NECAB1: variants seen among roughly 807,000 people sequenced by gnomAD.
NECAB1 encodes the protein N-terminal EF-hand calcium-binding protein 1.
Under a neutral mutation model 57.5 loss-of-function variants are expected in NECAB1, and 29 were observed. The observed-to-expected ratio is 0.50, with a 90% CI of 0.38 to 0.69. NECAB1 has a LOEUF of 0.69. Ranked by LOEUF, NECAB1 falls within the 30% of genes least tolerant of loss-of-function variation. The pLI, the probability that NECAB1 is intolerant of heterozygous loss-of-function variation, is 0.00. For synonymous variants in NECAB1, 142 were observed against 147.7 expected (o/e 0.96, Z 0.28); for missense variants, 372 against 413.8 (o/e 0.90, Z 0.88).
intron 3 of NECAB1, among the ~76,000 whole-genome samples, chr8:90,833,152 C>T (rs1335647784): frequency 6.6e-6 from 1 of 151,500 alleles, no homozygotes; most frequent in African/African-American, 2.4e-5. Flanking sequence ...GCACATTTTC[C>T]CTCCTTCTAT....
intron 3 of NECAB1, among the ~76,000 whole-genome samples, chr8:90,848,948 T>A (rs1812624816): frequency 6.6e-6 from 1 of 152,144 alleles, no homozygotes; most frequent in African/African-American, 2.4e-5. Context: ...TGAGACTCCA[T>A]CTCAATCAAT....
chr8:90,903,664 T>G (rs1383049483), intron 5 of NECAB1, among the ~76,000 whole-genome samples: 1 of 152,162 alleles, frequency 6.6e-6, no homozygotes, highest in Non-Finnish European at 1.5e-5. Flanking sequence ...TTATAGCAGT[T>G]TGGGGGAAGA....
In NECAB1 at chr8:90,958,173, A is replaced by G. The variant is rs1364175660; in HGVS notation, c.*2661A>G. On this transcript the variant is annotated 3_prime_UTR_variant, in exon 13 of 13. Transcript: ENST00000417640. Reference sequence around the variant, plus strand: ...AAATTTCTAGGAATTAAAAGCTTAAACCCAAAAATTGTTCATCCATATATA... The same window carrying G: ...AAATTTCTAGGAATTAAAAGCTTAAGCCCAAAAATTGTTCATCCATATATA... 6.6e-6 allele frequency: 1 copy of G among 151,358 alleles called. No homozygotes were observed. Among genetic ancestry groups the G allele is most frequent in the South Asian group, 2.1e-4 (1 of 4,822 alleles). The allele number at this position is 151,358 out of a possible 1,614,324, so 9.4% of individuals were successfully genotyped here.
intron 5 of NECAB1, among the ~76,000 whole-genome samples, chr8:90,896,608 A>AAAAACC (rs1554572844): frequency 6.7e-6 from 1 of 149,948 alleles, no homozygotes; most frequent in East Asian, 2.0e-4. Context: ...CCGTCTCAAA[A>AAAAACC]AAAAACAAAA....
chr8:90,833,397 A>G (rs942478662), intron 3 of NECAB1, among the ~76,000 whole-genome samples: 2 of 151,630 alleles, frequency 1.3e-5, no homozygotes, highest in African/African-American at 4.9e-5. Context: ...TCCCAAAAAA[A>G]AGCTTAAATT....
intron 10 of NECAB1, among the ~76,000 whole-genome samples, chr8:90,944,413 TCAAG>T (rs1810749000): frequency 6.6e-6 from 1 of 152,184 alleles, no homozygotes; most frequent in East Asian, 1.9e-4. Context: ...AGTGAAAAAC[TCAAG>T]CAGATTATGT....
chr8:90,942,460 T>C (rs73298074), intron 10 of NECAB1, among the ~76,000 whole-genome samples: 3,890 of 152,328 alleles, frequency 0.026, 177 homozygotes, highest in African/African-American at 0.089. Flanking sequence ...TTTATTATTC[T>C]ATTTCACGCC....
Position 90,957,015 on chromosome 8 carries a change from TGACA to T in NECAB1, c.*1508_*1511del, listed in dbSNP as rs1811045502. 6.6e-6 allele frequency: 1 copy of T among 150,612 alleles called. No homozygotes were observed. The highest frequency in any genetic ancestry group is 6.7e-5 in the Admixed American group (1 of 14,986). The allele number at this position is 150,612 out of a possible 1,614,324, so 9.3% of individuals were successfully genotyped here. A position where few individuals can be genotyped will look rare whatever the true frequency, so the allele number is the denominator to read the frequency against. On this transcript the variant is annotated 3_prime_UTR_variant, in exon 13 of 13. Coordinates refer to ENST00000417640, the MANE Select transcript of NECAB1 (RefSeq NM_022351.5). ...GTGTGCCTCTGGTCAACTCTAAGGA[TGACA>T]GACACTGTGTAACAACACCTGGGTC...
At chr8:90,907,836 A>C (rs1455268699) in intron 5 of NECAB1, among the ~76,000 whole-genome samples, 1 of 152,198 alleles carries the variant, frequency 6.6e-6, no homozygotes, top group Admixed American at 6.5e-5. Flanking sequence ...AAAAATTACC[A>C]GAATATTTTG....
At chr8:90,913,547 T>G (rs917595240) in intron 5 of NECAB1, among the ~76,000 whole-genome samples, 1 of 152,032 alleles carries the variant, frequency 6.6e-6, no homozygotes, top group Non-Finnish European at 1.5e-5. Flanking sequence ...TCTGTAGGAG[T>G]TCTTTCTGCC....
Position 90,922,486 on chromosome 8 carries a change from A to AT in NECAB1, c.495-3025dup, listed in dbSNP as rs577951495. Among the ~76,000 whole-genome samples the AT allele has an allele frequency of 5.0e-3, 290 of 57,438 alleles. 33 individuals are homozygous for AT. The highest frequency in any genetic ancestry group is 0.012 in the Middle Eastern group (1 of 86). The allele number at this position is 57,438 out of a possible 152,430, so 37.7% of individuals were successfully genotyped here. Reference sequence around the variant, plus strand: ...ACCACCAAAGCTGCCAAAAACTTGGATTTTTTTTTTTTTTTTTTTTTTTTG... The same window carrying AT: ...ACCACCAAAGCTGCCAAAAACTTGGATTTTTTTTTTTTTTTTTTTTTTTTTG... On this transcript the variant is annotated intron_variant, in intron 6 of 12. Transcript: ENST00000417640.
In NECAB1 at chr8:90,917,480, T is replaced by C. The variant is rs372291222; in HGVS notation, c.358-12T>C. ...ACCATACTTCTAATTGCATTTGTTT[T>C]GTCACCCTTAGGACTACCAAGAAGC... On this transcript the variant is annotated splice_polypyrimidine_tract_variant and intron_variant, in intron 5 of 12. Transcript: ENST00000417640. 9.1e-5 allele frequency: 144 copies of C among 1,574,044 alleles called. 1 individual carries two copies. The highest frequency in any genetic ancestry group is 1.2e-4 in the Non-Finnish European group (139 of 1,164,286).
chr8:90,928,158 TA>T, intron 7 of NECAB1, 64 bp from the exon 8 acceptor site: 1 of 1,232,244 alleles, frequency 8.1e-7, no homozygotes, highest in South Asian at 1.3e-5. Context: ...AGCTCTGATA[TA>T]ACCAAGCATT....
At chr8:90,898,530 C>A (rs1269643240) in intron 5 of NECAB1, among the ~76,000 whole-genome samples, 2 of 152,172 alleles carry the variant, frequency 1.3e-5, no homozygotes, top group African/African-American at 4.8e-5. Flanking sequence ...GTAGCAGCTC[C>A]AAGTGAGTTT....
intron 3 of NECAB1, among the ~76,000 whole-genome samples, chr8:90,827,810 T>A (rs1051794392): frequency 2.0e-5 from 3 of 152,002 alleles, no homozygotes; most frequent in African/African-American, 4.8e-5. Flanking sequence ...TTATTTTAAA[T>A]GTCAAAATTA....
chr8:90,897,921 G>C (rs1045047459), intron 5 of NECAB1, among the ~76,000 whole-genome samples: 1 of 152,190 alleles, frequency 6.6e-6, no homozygotes, highest in African/African-American at 2.4e-5. Flanking sequence ...TTAAATGGCT[G>C]TGAGAGTAAT....
rs1340926321 is a variant in NECAB1 at position 90,957,779 on chromosome 8, A to G, written c.*2267A>G. 6.6e-6 allele frequency: 1 copy of G among 150,772 alleles called. No individual in the cohort carries two copies. Among genetic ancestry groups the G allele is most frequent in the African/African-American group, 2.4e-5 (1 of 41,362 alleles). The allele number at this position is 150,772 out of a possible 1,614,324, so 9.3% of individuals were successfully genotyped here. A position where few individuals can be genotyped will look rare whatever the true frequency, so the allele number is the denominator to read the frequency against. On this transcript the variant is annotated 3_prime_UTR_variant, in exon 13 of 13. Coordinates refer to ENST00000417640, the MANE Select transcript of NECAB1 (RefSeq NM_022351.5). ...TAAACAATAAGTTTATAGTTAACGA[A>G]GATTTTTTTCTATTTAAAACCCCAT... is the stretch of plus-strand genomic sequence containing the variant.
At chr8:90,905,597 T>C (rs781163041) in intron 5 of NECAB1, among the ~76,000 whole-genome samples, 1 of 152,208 alleles carries the variant, frequency 6.6e-6, no homozygotes. Context: ...TTTTACTATA[T>C]TGCATCTGGG....
chr8:90,922,744 G>A (rs1586128330), intron 6 of NECAB1, among the ~76,000 whole-genome samples: 1 of 151,810 alleles, frequency 6.6e-6, no homozygotes, highest in Non-Finnish European at 1.5e-5. Flanking sequence ...CCACCTGCCT[G>A]AGCCTCCCAA....
Sources: gnomAD v4.1 joint callset for allele counts (sites outside exome capture counted in the v4.1 genomes callset) on GRCh38, gnomAD v4.1.1 for gene constraint, MANE v1.5 for transcripts, NCBI Gene and HGNC (gene_info 2026-07-23, HGNC 2026-07-21) for gene names.